The following MMUT variants were observed in gnomAD, a reference collection of about 807,000 sequenced individuals.
MMUT encodes methylmalonyl-CoA mutase, mitochondrial.
In MMUT, 79 loss-of-function variants were observed where a neutral mutation model predicts 79.9. The ratio of observed to expected loss-of-function variants is 0.99; its 90% CI spans 0.82 to 1.19. The LOEUF is 1.19. MMUT is among the 50% of genes most tolerant of loss of function. The pLI is 0.00. For missense variants in MMUT, 860 were observed against 917.2 expected (o/e 0.94, Z 0.81); for synonymous variants, 273 against 295.7 (o/e 0.92, Z 0.79).
intron 1 of MMUT, among the ~76,000 whole-genome samples, chr6:49,460,157 G>T (rs1053930669): frequency 7.9e-5 from 12 of 152,178 alleles, no homozygotes; most frequent in Non-Finnish European, 1.5e-4. Flanking sequence ...GGCTAATTCA[G>T]CTAAGGCATT....
intron 1 of MMUT, among the ~76,000 whole-genome samples, chr6:49,459,942 A>G (rs12202075): frequency 0.37 from 56,369 of 152,052 alleles, 10,725 homozygotes; most frequent in African/African-American, 0.44. Flanking sequence ...GTTGGGTAAT[A>G]GAGAAAAAAG....
chr6:49,441,868 T>C lies in MMUT; in HGVS notation c.1780A>G (p.Ser594Gly). The C allele has an allele frequency of 6.2e-7, 1 of 1,612,026 alleles. No homozygotes were observed. The highest frequency in any genetic ancestry group is 8.5e-7 in the Non-Finnish European group (1 of 1,178,658). ...SGAYRQEFGESKEITSAIKRV... is the reference protein window; with the variant it reads ...SGAYRQEFGEGKEITSAIKRV... Reference sequence around the variant, plus strand: ...TTGATAGCAGATGTTATCTCTTTACTTTCTCCAAATTCCTGGCGATATGCT... The same window carrying C: ...TTGATAGCAGATGTTATCTCTTTACCTTCTCCAAATTCCTGGCGATATGCT... Residue 594 changes from serine to glycine, a missense_variant, in exon 10 of 13, where the codon AGT (serine) becomes GGT (glycine). Ser to Gly is a moderately conservative substitution (Grantham distance 56). Transcript: ENST00000274813.
rs766062848 is a variant in MMUT, at chr6:49,459,222, G to C, written c.245C>G (p.Pro82Arg). 3.7e-6 allele frequency: 6 copies of C among 1,614,166 alleles called. No homozygotes were observed. The highest frequency in any genetic ancestry group is 5.1e-6 in the Non-Finnish European group (6 of 1,180,028). The change falls in exon 2 of 13, where the codon CCT becomes CGT. Residue 82 changes from proline to arginine, a missense_variant. Coordinates refer to ENST00000274813, the MANE Select transcript of MMUT (RefSeq NM_000255.4). ...TGGCTTCACTCCTGGAAGTTCTTCAGGTAAGTCCATAGTATCTCTCTTGGA... is the reference window on the plus strand; with the variant it reads ...TGGCTTCACTCCTGGAAGTTCTTCACGTAAGTCCATAGTATCTCTCTTGGA... ...LYSKRDTMDL[P>R]EELPGVKPFT...
intron 5 of MMUT, among the ~76,000 whole-genome samples, chr6:49,452,180 C>T (rs1767571788): frequency 6.6e-6 from 1 of 152,078 alleles, no homozygotes; most frequent in Non-Finnish European, 1.5e-5. Flanking sequence ...TATTGCATGC[C>T]TAATTGTGAT....
intron 8 of MMUT, among the ~76,000 whole-genome samples, chr6:49,445,909 T>C (rs1767400367): frequency 2.0e-5 from 3 of 151,880 alleles, no homozygotes; most frequent in South Asian, 4.1e-4. Context: ...AATAAACACA[T>C]ACAATTTAAG....
At chr6:49,456,546 T>G (rs983776932) in intron 3 of MMUT, among the ~76,000 whole-genome samples, 27 of 152,168 alleles carry the variant, frequency 1.8e-4, no homozygotes, top group Admixed American at 1.7e-3. Flanking sequence ...AATGTAACCT[T>G]TGGCCTGAGA....
rs759464434 is a variant in MMUT, at chr6:49,453,583, A to AC, written c.1083+1dup. 1 of 1,591,862 alleles carries AC rather than the reference A, an allele frequency of 6.3e-7. No individual in the cohort carries two copies. On this transcript the variant is annotated splice_donor_variant, in intron 5 of 12. Coordinates refer to ENST00000274813, the MANE Select transcript of MMUT (RefSeq NM_000255.4). LOFTEE classifies it high-confidence loss of function. Reference sequence around the variant, plus strand: ...ATTCTACATTTTAAATTATATACATACCTGCTCAGTAAGTGACCATCCAGA... The same window carrying AC: ...ATTCTACATTTTAAATTATATACATACCCTGCTCAGTAAGTGACCATCCAGA...
intron 9 of MMUT, among the ~76,000 whole-genome samples, chr6:49,444,203 G>A (rs1029868670): frequency 2.6e-5 from 4 of 151,994 alleles, no homozygotes; most frequent in East Asian, 1.9e-4. Context: ...TTGCTCTTCC[G>A]GTTGCTTCAT....
chr6:49,459,844 G>C lies in MMUT; in HGVS notation c.-39-339C>G, dbSNP rs183932517. On this transcript the variant is annotated intron_variant, in intron 1 of 12. Transcript: ENST00000274813. ...CCTCATGGAATTTTTCAAAGACTCT[G>C]TATCATGTGGAAGATATACTACAGC... Among the ~76,000 whole-genome samples the C allele has an allele frequency of 3.6e-3, 545 of 152,256 alleles. 2 individuals are homozygous for C. The highest frequency in any genetic ancestry group is 0.012 in the African/African-American group (480 of 41,552).
intron 4 of MMUT, among the ~76,000 whole-genome samples, chr6:49,454,883 G>A (rs189543354): frequency 1.3e-5 from 2 of 152,026 alleles, no homozygotes; most frequent in Admixed American, 1.3e-4. Context: ...CATCTCTACA[G>A]GAAAACTTAA....
chr6:49,441,906 C>T lies in MMUT; in HGVS notation c.1742G>A (p.Arg581Gln), dbSNP rs749261153. The stretch of plus-strand genomic sequence containing the variant: ...CTGGCGATATGCTCCACTCACCATT[C>T]GATCATTCGCTTTATGTTCACCAAA... ...KVFGEHKAND[R>Q]MVSGAYRQEF... is the part of the protein sequence containing the mutation. The change falls in exon 10 of 13, where the codon CGA becomes CAA. Residue 581 changes from arginine (R) to glutamine (Q), a missense_variant. Coordinates refer to ENST00000274813, the MANE Select transcript of MMUT (RefSeq NM_000255.4). 9.3e-6 allele frequency: 15 copies of T among 1,611,984 alleles called. No individual in the cohort carries two copies. In the South Asian group the frequency reaches 1.3e-4, roughly 14 times the overall value.
rs1767368801 is a variant in MMUT, at chr6:49,444,734, T to G, written c.1581A>C (p.Gln527His). 6.2e-7 allele frequency: 1 copy of G among 1,613,048 alleles called. No individual in the cohort carries two copies. The highest frequency in any genetic ancestry group is 1.7e-5 in the Admixed American group (1 of 59,948). The change falls in exon 9 of 13, where the codon CAA (glutamine) becomes CAC (histidine). Residue 527 changes from glutamine to histidine, a missense_variant. By Grantham distance (24) the Gln-to-His change is conservative (BLOSUM62 0). Coordinates refer to ENST00000274813, the MANE Select transcript of MMUT (RefSeq NM_000255.4). ...KLKKIKSSRD[Q>H]ALAERCLAAL... ...CAGCAAGACAACGTTCAGCCAAAGC[T>G]TGATCCCTGCTGGATTTGATCTATG...
chr6:49,431,627 C>T lies in MMUT; in HGVS notation c.*101G>A, dbSNP rs113025987. On this transcript the variant is annotated 3_prime_UTR_variant, in exon 13 of 13. Transcript: ENST00000274813. ...TAAAGTAAAGCTTTCAAGGAAAGTA[C>T]AAATCAGGTATTGAAATTAAATTGA... 1,725 of 1,279,278 alleles carry T rather than the reference C, an allele frequency of 1.3e-3. 10 individuals are homozygous for T. The highest frequency in any genetic ancestry group is 7.7e-3 in the African/African-American group (519 of 67,182). The allele number at this position is 1,279,278 out of a possible 1,614,324, so 79.2% of individuals were successfully genotyped here. A position where few individuals can be genotyped will look rare whatever the true frequency, so the allele number is the denominator to read the frequency against.
chr6:49,459,284 C>T lies in MMUT; in HGVS notation c.183G>A (p.Trp61Ter), dbSNP rs748832610. 1.9e-6 allele frequency: 3 copies of T among 1,614,102 alleles called. No individual in the cohort carries two copies. The highest frequency in any genetic ancestry group is 2.5e-6 in the Non-Finnish European group (3 of 1,180,016). Reference protein sequence around the residue: ...LKGKNPEDLIWHTPEGISIKP... With the variant: ...LKGKNPEDLI ...TTATAGAGATCCCTTCCGGGGTGTG[C>T]CATATTAGGTCTTCTGGGTTTTTGC... The change falls in exon 2 of 13, where the codon TGG (tryptophan) becomes TGA (stop). Residue 61 changes from tryptophan to a stop codon, truncating the protein, a stop_gained. Transcript: ENST00000274813. LOFTEE classifies it high-confidence loss of function.
intron 4 of MMUT, 120 bp from the exon 5 acceptor site, chr6:49,453,876 ATTTG>A: frequency 1.2e-6 from 1 of 861,544 alleles, no homozygotes; most frequent in Non-Finnish European, 1.8e-6. Context: ...GAAGAACTTA[ATTTG>A]AATTAAGATC....
intron 5 of MMUT, among the ~76,000 whole-genome samples, chr6:49,452,490 A>G (rs1261479994): frequency 6.6e-6 from 1 of 151,848 alleles, no homozygotes; most frequent in Non-Finnish European, 1.5e-5. Flanking sequence ...CTGCCAACAC[A>G]CCTGGCTAAT....
intron 12 of MMUT, among the ~76,000 whole-genome samples, chr6:49,434,440 AG>A (rs1355686055): frequency 2.0e-5 from 3 of 152,086 alleles, no homozygotes; most frequent in Non-Finnish European, 4.4e-5. Context: ...GTATTAATGG[AG>A]GAAAAAAAAA....
At chr6:49,440,438 C>T (rs1327446854) in intron 10 of MMUT, 85 bp from the exon 11 acceptor site, 4 of 1,389,622 alleles carry the variant, frequency 2.9e-6, no homozygotes, top group East Asian at 2.4e-5. Flanking sequence ...CACAGCAAAT[C>T]TTTCAAGTTT....
chr6:49,441,862 C>G lies in MMUT; in HGVS notation c.1786G>C (p.Glu596Gln), dbSNP rs545334525. The G allele has an allele frequency of 3.1e-6, 5 of 1,611,758 alleles. No individual in the cohort carries two copies. Among genetic ancestry groups the G allele is most frequent in the Middle Eastern group, 1.7e-4 (1 of 6,050 alleles). ...AYRQEFGESK[E>Q]ITSAIKRVHK... ...TACCTCTTGATAGCAGATGTTATCT[C>G]TTTACTTTCTCCAAATTCCTGGCGA... The change falls in exon 10 of 13, where the codon GAG becomes CAG. Residue 596 changes from glutamate to glutamine, a missense_variant. Transcript: ENST00000274813.
Sources: gnomAD v4.1 joint callset for allele counts (sites outside exome capture counted in the v4.1 genomes callset) on GRCh38, gnomAD v4.1.1 for gene constraint, MANE v1.5 for transcripts, NCBI Gene and HGNC (gene_info 2026-07-23, HGNC 2026-07-21) for gene names.